Variants in CACNA2D3 observed in about 807,000 individuals in gnomAD.
CACNA2D3 encodes voltage-dependent calcium channel subunit alpha-2/delta-3.
CACNA2D3 carries 60 observed loss-of-function variants against 160.6 expected under a neutral mutation model. The ratio of observed to expected loss-of-function variants is 0.37; its 90% CI spans 0.30 to 0.46. The LOEUF is 0.46. CACNA2D3 is among the 20% of genes least tolerant of loss of function. The pLI is 1.00. For synonymous variants in CACNA2D3, 558 were observed against 492.9 expected, an observed-to-expected ratio of 1.13 and a Z score of -1.75; for missense variants, 1,205 against 1,365.0, an observed-to-expected ratio of 0.88 and a Z score of 1.85.
intron 5 of CACNA2D3, among the ~76,000 whole-genome samples, chr3:54,561,269 T>A (rs1307373051): frequency 6.6e-6 from 1 of 152,204 alleles, no homozygotes; most frequent in Non-Finnish European, 1.5e-5. Flanking sequence ...GGTTTGTAGT[T>A]CTCCTTGTAG....
intron 2 of CACNA2D3, among the ~76,000 whole-genome samples, chr3:54,126,647 C>A (rs1699599494): frequency 6.6e-6 from 1 of 152,068 alleles, no homozygotes; most frequent in Non-Finnish European, 1.5e-5. Context: ...TGTCTGTTTT[C>A]AGTACAGAAT....
chr3:54,553,805 G>A (rs1168504479), intron 5 of CACNA2D3, among the ~76,000 whole-genome samples: 6 of 152,172 alleles, frequency 3.9e-5, no homozygotes, highest in Non-Finnish European at 7.3e-5. Flanking sequence ...AAGCACTAAG[G>A]CATCCATGAA....
Position 55,018,189 on chromosome 3 carries a change from T to TC in CACNA2D3, c.2876-14dup, listed in dbSNP as rs772139328. The TC allele has an allele frequency of 3.9e-5, 60 of 1,541,584 alleles. 2 individuals are homozygous for TC. In the African/African-American group the frequency reaches 5.7e-4, roughly 15 times the overall value. On this transcript the variant is annotated splice_polypyrimidine_tract_variant and intron_variant, in intron 34 of 37. Coordinates refer to ENST00000474759, the MANE Select transcript of CACNA2D3 (RefSeq NM_018398.3). Reference sequence around the variant, plus strand: ...GCCTTGCATTCTTTACCTTTTTTTTTCCCACTATCCCTACAGCCCAGAAAT... The same window carrying TC: ...GCCTTGCATTCTTTACCTTTTTTTTTCCCCACTATCCCTACAGCCCAGAAAT...
At chr3:55,012,693 C>G (rs1019857829) in intron 34 of CACNA2D3, among the ~76,000 whole-genome samples, 1 of 152,036 alleles carries the variant, frequency 6.6e-6, no homozygotes, top group East Asian at 1.9e-4. Flanking sequence ...GAATCTGGTG[C>G]GTAGAGGCCA....
chr3:54,495,423 G>C (rs1239670496), intron 4 of CACNA2D3, among the ~76,000 whole-genome samples: 1 of 152,092 alleles, frequency 6.6e-6, no homozygotes, highest in African/African-American at 2.4e-5. Context: ...ACTGACAAAT[G>C]AATCCACCTG....
intron 35 of CACNA2D3, among the ~76,000 whole-genome samples, chr3:55,049,356 A>G (rs532733998): frequency 7.1e-6 from 1 of 140,168 alleles, no homozygotes; most frequent in Non-Finnish European, 1.5e-5. Flanking sequence ...TCATTTCGTT[A>G]TGTACCCAGT....
intron 35 of CACNA2D3, among the ~76,000 whole-genome samples, chr3:55,036,682 G>T (rs1703822970): frequency 6.6e-6 from 1 of 151,808 alleles, no homozygotes; most frequent in South Asian, 2.1e-4. Context: ...TGGCCAGGCT[G>T]GTCTCGAACT....
At chr3:54,124,141 A>G (rs561450031) in intron 2 of CACNA2D3, among the ~76,000 whole-genome samples, 87 of 152,302 alleles carry the variant, frequency 5.7e-4, no homozygotes, top group African/African-American at 2.0e-3. Context: ...TTATCTTTCC[A>G]CTCAGCTGCA....
At chr3:55,046,025 G>T (rs986395264) in intron 35 of CACNA2D3, among the ~76,000 whole-genome samples, 1 of 151,598 alleles carries the variant, frequency 6.6e-6, no homozygotes, top group Admixed American at 6.6e-5. Flanking sequence ...TTTAATATTA[G>T]AAATTTTCTC....
At chr3:55,023,933 G>T (rs1703510996) in intron 35 of CACNA2D3, among the ~76,000 whole-genome samples, 1 of 148,078 alleles carries the variant, frequency 6.8e-6, no homozygotes, top group Admixed American at 6.9e-5. Flanking sequence ...TTAGCTTTAA[G>T]TGTCTTCTCT....
intron 2 of CACNA2D3, among the ~76,000 whole-genome samples, chr3:54,199,566 T>A (rs1701141441): frequency 6.6e-6 from 1 of 151,766 alleles, no homozygotes; most frequent in Non-Finnish European, 1.5e-5. Context: ...AGAGACAGGG[T>A]TTTGCCATGT....
At chr3:54,433,036 A>G (rs748208742) in intron 4 of CACNA2D3, among the ~76,000 whole-genome samples, 1 of 152,224 alleles carries the variant, frequency 6.6e-6, no homozygotes, top group Non-Finnish European at 1.5e-5. Flanking sequence ...TAATCAGAAT[A>G]TTATGGAGAT....
chr3:54,937,812 A>G (rs1701368127), intron 27 of CACNA2D3, among the ~76,000 whole-genome samples: 2 of 152,228 alleles, frequency 1.3e-5, no homozygotes, highest in African/African-American at 2.4e-5. Flanking sequence ...AGGGACTAGC[A>G]GAAGGCGGGC....
At chr3:54,550,693 T>A (rs1702141934) in intron 5 of CACNA2D3, among the ~76,000 whole-genome samples, 1 of 152,190 alleles carries the variant, frequency 6.6e-6, no homozygotes, top group Non-Finnish European at 1.5e-5. Flanking sequence ...ATTTCCCATT[T>A]ACGTGTGATC....
At position 54,319,199 on chromosome 3, in the gene CACNA2D3, C is replaced by CACACACACACACAT. The variant is rs1291286123; in HGVS notation, c.205-1241_205-1240insACACACACACATAC. Reference sequence around the variant, plus strand: ...ACACACACACACACACACACACACACACCCTTCCTCGAGTCAAGGAGAAAC... The same window carrying CACACACACACACAT: ...ACACACACACACACACACACACACACACACACACACACATACCCTTCCTCGAGTCAAGGAGAAAC... On this transcript the variant is annotated intron_variant, in intron 2 of 37. Coordinates refer to ENST00000474759, the MANE Select transcript of CACNA2D3 (RefSeq NM_018398.3). 2.9e-3 allele frequency among the ~76,000 whole-genome samples: 433 copies of CACACACACACACAT among 149,260 alleles called. 3 individuals carry two copies. Among genetic ancestry groups the CACACACACACACAT allele is most frequent in the East Asian group, 6.0e-3 (29 of 4,872 alleles).
chr3:54,288,980 A>T (rs1703111275), intron 2 of CACNA2D3, among the ~76,000 whole-genome samples: 1 of 152,104 alleles, frequency 6.6e-6, no homozygotes, highest in Admixed American at 6.5e-5. Context: ...ATGGGCAAAA[A>T]CTGGAAGCAT....
intron 2 of CACNA2D3, among the ~76,000 whole-genome samples, chr3:54,231,670 G>T (rs1701771658): frequency 6.6e-6 from 1 of 152,150 alleles, no homozygotes; most frequent in African/African-American, 2.4e-5. Context: ...TATATTTCTA[G>T]TGTGTAATAA....
chr3:54,137,575 C>T (rs1699837533), intron 2 of CACNA2D3, among the ~76,000 whole-genome samples: 1 of 152,204 alleles, frequency 6.6e-6, no homozygotes, highest in Non-Finnish European at 1.5e-5. Flanking sequence ...CAGTGCCTTT[C>T]AAACTTCTTA....
chr3:54,201,026 C>T (rs1701168328), intron 2 of CACNA2D3, among the ~76,000 whole-genome samples: 1 of 152,220 alleles, frequency 6.6e-6, no homozygotes, highest in Non-Finnish European at 1.5e-5. Flanking sequence ...CATAATGCTA[C>T]TGAGCACCTG....
Sources: allele counts gnomAD v4.1 joint callset (sites outside exome capture counted in the v4.1 genomes callset), GRCh38; gene constraint gnomAD v4.1.1; transcripts MANE v1.5; gene names NCBI Gene and HGNC (gene_info 2026-07-23, HGNC 2026-07-21).